SENP5: variants seen among roughly 807,000 people sequenced by gnomAD.
SENP5 encodes the protein SUMO specific peptidase 5.
Under a neutral mutation model 74.2 loss-of-function variants are expected in SENP5, and 21 were observed. That is an observed-to-expected ratio of 0.28 (90% CI 0.20 to 0.41). The LOEUF (loss-of-function observed/expected upper bound fraction) is 0.41, where lower values mean the gene tolerates loss of function less well. Among genes scored for constraint, SENP5 ranks in the 10% least tolerant of loss-of-function variants. The pLI, the probability that SENP5 is intolerant of heterozygous loss-of-function variation, is 1.00. For synonymous variants in SENP5, 311 were observed against 312.7 expected (o/e 0.99, Z 0.06); for missense variants, 717 against 889.1 (o/e 0.81, Z 2.46).
At chr3:196,906,216 TAAA>T (rs537368327) in intron 6 of SENP5, among the ~76,000 whole-genome samples, 41 of 150,374 alleles carry the variant, frequency 2.7e-4, no homozygotes, top group Non-Finnish European at 4.1e-4. Context: ...CAAGACTTTC[TAAA>T]AAAAAAGAAA....
At chr3:196,888,759 G>A (rs1306753160) in intron 2 of SENP5, among the ~76,000 whole-genome samples, 1 of 152,046 alleles carries the variant, frequency 6.6e-6, no homozygotes, top group Non-Finnish European at 1.5e-5. Flanking sequence ...GAGCTAGTTA[G>A]GAGGTTTATT....
At chr3:196,888,119 T>A (rs60109201) in intron 2 of SENP5, among the ~76,000 whole-genome samples, 33,842 of 152,144 alleles carry the variant, frequency 0.22, 3,881 homozygotes, top group African/African-American at 0.28. Context: ...TTTTACGTCA[T>A]GCTTTAAGAA....
At chr3:196,908,700 G>A (rs1314457309) in intron 6 of SENP5, among the ~76,000 whole-genome samples, 1 of 152,220 alleles carries the variant, frequency 6.6e-6, no homozygotes, top group Non-Finnish European at 1.5e-5. Context: ...GCACATGCCT[G>A]TAATCCCAGC....
At chr3:196,882,112 T>C (rs1205618127) in intron 1 of SENP5, among the ~76,000 whole-genome samples, 1 of 152,106 alleles carries the variant, frequency 6.6e-6, no homozygotes, top group Non-Finnish European at 1.5e-5. Context: ...TTGGCCAGGT[T>C]GGTCTCGAAC....
chr3:196,896,426 G>T (rs1714443599), intron 2 of SENP5, among the ~76,000 whole-genome samples: 1 of 151,560 alleles, frequency 6.6e-6, no homozygotes, highest in Admixed American at 6.6e-5. Context: ...ACCTCTCAAA[G>T]CTTCTAATGT....
intron 6 of SENP5, among the ~76,000 whole-genome samples, chr3:196,905,851 C>T (rs1205662097): frequency 6.6e-6 from 1 of 152,192 alleles, no homozygotes; most frequent in Non-Finnish European, 1.5e-5. Context: ...CTGAAAGTCA[C>T]AATCCTCTAA....
chr3:196,876,509 TTC>T (rs1345649110), intron 1 of SENP5, among the ~76,000 whole-genome samples: 1 of 134,930 alleles, frequency 7.4e-6, no homozygotes, highest in Non-Finnish European at 1.6e-5. Context: ...CAGAGCGAGA[TTC>T]TGTCTCAAAA....
intron 6 of SENP5, among the ~76,000 whole-genome samples, chr3:196,920,142 C>G (rs994526392): frequency 3.3e-5 from 5 of 152,142 alleles, no homozygotes; most frequent in African/African-American, 1.2e-4. Flanking sequence ...TGTGTTTATA[C>G]ATTAGTTTGG....
intron 7 of SENP5, among the ~76,000 whole-genome samples, chr3:196,925,420 T>C (rs1235844697): frequency 6.6e-6 from 1 of 152,184 alleles, no homozygotes; most frequent in Non-Finnish European, 1.5e-5. Context: ...AACCAACATA[T>C]TCCCATACCT....
intron 8 of SENP5, 194 bp from the exon 9 acceptor site, chr3:196,929,439 G>T: frequency 2.0e-6 from 1 of 512,300 alleles, no homozygotes. Context: ...TATAAATTGG[G>T]GTTGCCACCT....
chr3:196,923,914 T>C (rs899370419), intron 7 of SENP5, among the ~76,000 whole-genome samples: 14 of 152,180 alleles, frequency 9.2e-5, no homozygotes, highest in African/African-American at 3.4e-4. Flanking sequence ...ATTGACAAAA[T>C]ATTAGTGTTC....
At chr3:196,930,507 C>T (rs545437259) in intron 9 of SENP5, among the ~76,000 whole-genome samples, 7 of 152,342 alleles carry the variant, frequency 4.6e-5, no homozygotes, top group Middle Eastern at 3.4e-3. Flanking sequence ...CCCTGGGCCA[C>T]GGACAGATAC....
At position 196,927,807 on chromosome 3, in the gene SENP5, G is replaced by A. The variant is rs754002717; in HGVS notation, c.2034G>A (p.Lys678=). The change falls in exon 8 of 10, where the codon AAG becomes AAA. Residue 678 remains lysine, a synonymous_variant. Transcript: ENST00000323460. ...HFKFCVENIR[K]YLLTEAREKN... ...TTCTTTTTAACCAGAATATAAGAAA[G>A]TATTTGCTGACTGAAGCCAGAGAAA... 3 of 1,606,042 alleles carry A rather than the reference G, an allele frequency of 1.9e-6. No homozygotes were observed. The highest frequency in any genetic ancestry group is 2.6e-6 in the Non-Finnish European group (3 of 1,172,844).
intron 6 of SENP5, among the ~76,000 whole-genome samples, chr3:196,918,150 C>A (rs1346933435): frequency 1.3e-5 from 2 of 148,392 alleles, no homozygotes; most frequent in African/African-American, 2.6e-5. Context: ...ACTAAAAATA[C>A]AAAAAAATTA....
chr3:196,924,353 A>G (rs1715734378), intron 7 of SENP5, among the ~76,000 whole-genome samples: 2 of 152,220 alleles, frequency 1.3e-5, no homozygotes, highest in South Asian at 4.1e-4. Context: ...ACAGACAATA[A>G]CTATCCAGAA....
Position 196,931,857 on chromosome 3 carries a change from G to A in SENP5, c.*934G>A, listed in dbSNP as rs547157319. 7 of 439,022 alleles carry A rather than the reference G, an allele frequency of 1.6e-5. No homozygotes were observed. Among genetic ancestry groups the A allele is most frequent in the African/African-American group, 1.2e-4 (6 of 49,028 alleles). 27.2% of individuals were successfully genotyped at this position (439,022 alleles called of 1,614,324 possible). A position where few individuals can be genotyped will look rare whatever the true frequency, so the allele number is the denominator to read the frequency against. ...TACCAAATGCATTTCTATTTCAAGGGTATCTGAAACGTAAACATTCAAAAC... is the reference window on the plus strand; with the variant it reads ...TACCAAATGCATTTCTATTTCAAGGATATCTGAAACGTAAACATTCAAAAC... On this transcript the variant is annotated 3_prime_UTR_variant, in exon 10 of 10. Transcript: ENST00000323460.
Position 196,933,591 on chromosome 3 carries a change from G to A in SENP5, c.*2668G>A, listed in dbSNP as rs1716129318. The A allele has an allele frequency of 6.6e-6, 1 of 152,090 alleles. No homozygotes were observed. Among genetic ancestry groups the A allele is most frequent in the South Asian group, 2.1e-4 (1 of 4,824 alleles). The allele number at this position is 152,090 out of a possible 1,614,324, so 9.4% of individuals were successfully genotyped here. A position where few individuals can be genotyped will look rare whatever the true frequency, so the allele number is the denominator to read the frequency against. On this transcript the variant is annotated 3_prime_UTR_variant, in exon 10 of 10. Transcript: ENST00000323460. ...ACTGAACTGTTTGGGTGCCCATGAG[G>A]TAGGCAGACCTTATGCTTTTTTTTT...
At position 196,886,413 on chromosome 3, in the gene SENP5, T is replaced by C. The variant is rs765223971; in HGVS notation, c.1232T>C (p.Val411Ala). ...NQTSSVSDDR[V>A]KLSVSGADTS... ...ACAAGTTCTGTCAGTGATGACAGAG[T>C]AAAACTGTCAGTGTCTGGAGCAGAT... Residue 411 changes from valine (V) to alanine (A), a missense_variant, in exon 2 of 10, where the codon GTA becomes GCA. Around this residue, in one of 4 missense-constraint regions of SENP5, gnomAD observed 567 missense variants for 577.4 expected, o/e 0.98. Coordinates refer to ENST00000323460, the MANE Select transcript of SENP5 (RefSeq NM_152699.5). 1 of 1,611,904 alleles carries C rather than the reference T, an allele frequency of 6.2e-7. No homozygotes were observed. Among genetic ancestry groups the C allele is most frequent in the Non-Finnish European group, 8.5e-7 (1 of 1,178,680 alleles).
intron 6 of SENP5, among the ~76,000 whole-genome samples, chr3:196,908,541 C>T (rs546495483): frequency 2.6e-5 from 4 of 151,990 alleles, no homozygotes; most frequent in South Asian, 2.1e-4. Flanking sequence ...ACTAGAGAAG[C>T]GGCTGGGCGT....
Sources: gnomAD v4.1 joint callset for allele counts (sites outside exome capture counted in the v4.1 genomes callset) on GRCh38, gnomAD v4.1.1 for gene constraint, gnomAD v4.1.1 regional missense constraint, MANE v1.5 for transcripts, NCBI Gene and HGNC (gene_info 2026-07-23, HGNC 2026-07-21) for gene names.